The following ARHGAP28 variants were observed in gnomAD, a reference collection of about 807,000 sequenced individuals.
ARHGAP28 encodes the protein rho GTPase-activating protein 28.
A neutral mutation model predicts 90.7 loss-of-function variants in ARHGAP28; 56 were observed. The ratio of observed to expected loss-of-function variants is 0.62; its 90% confidence interval spans 0.50 to 0.77. The LOEUF is 0.77. Ranked by LOEUF, ARHGAP28 falls within the 30% of genes least tolerant of loss-of-function variation. The pLI is 0.00. For synonymous variants in ARHGAP28, 308 were observed against 323.3 expected (o/e 0.95, Z 0.51); for missense variants, 869 against 900.9 (o/e 0.96, Z 0.45).
Position 6,870,720 on chromosome 18 carries a change from C to T in ARHGAP28, c.942C>T (p.Asp314=), listed in dbSNP as rs151056858. Reference sequence around the variant, plus strand: ...AGAAATCAGAGATTAAGAAAGAAGACTATGTTTTAACTGTAAGCAAAACCT... The same window carrying T: ...AGAAATCAGAGATTAAGAAAGAAGATTATGTTTTAACTGTAAGCAAAACCT... The part of the protein sequence containing the change: ...KLKKSEIKKE[D]YVLTKFNVQK... The change falls in exon 7 of 18, where the codon GAC becomes GAT. Residue 314 remains aspartate, a synonymous_variant. Coordinates refer to ENST00000383472, the MANE Select transcript of ARHGAP28 (RefSeq NM_001366230.1). 1 of 1,607,518 alleles carries T rather than the reference C, an allele frequency of 6.2e-7. No homozygotes were observed. The highest frequency in any genetic ancestry group is 8.5e-7 in the Non-Finnish European group (1 of 1,178,280).
chr18:6,912,325 C>A lies in ARHGAP28; in HGVS notation c.*171C>A. ...GAACTATGGAAGAGGCGCCGGTTCA[C>A]CAATTCAACTGAAGCTTTCTCATGA... On this transcript the variant is annotated 3_prime_UTR_variant, in exon 18 of 18. Coordinates refer to ENST00000383472, the MANE Select transcript of ARHGAP28 (RefSeq NM_001366230.1). The A allele has an allele frequency of 2.6e-6, 1 of 390,630 alleles. No homozygotes were observed. The highest frequency in any genetic ancestry group is 4.6e-6 in the Non-Finnish European group (1 of 218,022). The allele number at this position is 390,630 out of a possible 1,614,324, so 24.2% of individuals were successfully genotyped here.
At chr18:6,799,104 C>A (rs1263991186) in intron 1 of ARHGAP28, among the ~76,000 whole-genome samples, 1 of 152,192 alleles carries the variant, frequency 6.6e-6, no homozygotes, top group Non-Finnish European at 1.5e-5. Flanking sequence ...GGAAGTATTA[C>A]TGACTTCAGT....
At position 6,798,770 on chromosome 18, in the gene ARHGAP28, A is replaced by G. The variant is rs76559088; in HGVS notation, c.123-25992A>G. Among the ~76,000 whole-genome samples, 1,254 of 152,308 alleles carry G rather than the reference A, an allele frequency of 8.2e-3. 9 individuals are homozygous for G. The highest frequency in any genetic ancestry group is 0.014 in the Admixed American group (218 of 15,298). ...CTAGTGCATTAACATCTCAGAATTC[A>G]CCATTATAGAATTCAACCATGTAAC... On this transcript the variant is annotated intron_variant, in intron 1 of 17. Transcript: ENST00000383472.
At position 6,881,998 on chromosome 18, in the gene ARHGAP28, G is replaced by GA. The variant is rs547603565; in HGVS notation, c.1291-131dup. ...CATAGCTATTTGCCTTAATCATGTT[G>GA]AAAAAAAATTACTCTTGGTAGACAT... On this transcript the variant is annotated intron_variant, in intron 10 of 17. Transcript: ENST00000383472. The GA allele has an allele frequency of 9.0e-3, 6,067 of 672,450 alleles. 48 individuals are homozygous for GA. The highest frequency in any genetic ancestry group is 0.01 in the Non-Finnish European group (4,409 of 430,290). The allele number at this position is 672,450 out of a possible 1,614,324, so 41.7% of individuals were successfully genotyped here.
intron 1 of ARHGAP28, among the ~76,000 whole-genome samples, chr18:6,799,599 T>C (rs536447755): frequency 6.6e-6 from 1 of 152,286 alleles, no homozygotes; most frequent in East Asian, 1.9e-4. Context: ...CCATCTGATC[T>C]TTGACAAACC....
intron 2 of ARHGAP28, among the ~76,000 whole-genome samples, chr18:6,826,501 GTT>G (rs1389062215): frequency 6.6e-6 from 1 of 150,756 alleles, no homozygotes; most frequent in African/African-American, 2.4e-5. Context: ...TTAAAATAGA[GTT>G]TATATCATTG....
chr18:6,913,957 G>A lies in ARHGAP28; in HGVS notation c.*1803G>A, dbSNP rs1375862689. The A allele has an allele frequency of 1.3e-5, 2 of 151,982 alleles. No homozygotes were observed. The highest frequency in any genetic ancestry group is 1.9e-4 in the East Asian group (1 of 5,188). The allele number at this position is 151,982 out of a possible 1,614,324, so 9.4% of individuals were successfully genotyped here. On this transcript the variant is annotated 3_prime_UTR_variant, in exon 18 of 18. Coordinates refer to ENST00000383472, the MANE Select transcript of ARHGAP28 (RefSeq NM_001366230.1). The stretch of plus-strand genomic sequence containing the variant: ...ATTGCCACATCCCAAGATGTAAAAC[G>A]GCAGTAATTTATGACCACGTATGGA...
intron 1 of ARHGAP28, among the ~76,000 whole-genome samples, chr18:6,795,571 C>A (rs970392359): frequency 2.0e-5 from 3 of 152,234 alleles, no homozygotes; most frequent in African/African-American, 7.2e-5. Context: ...TAACTCTACA[C>A]TGGCAGCTGG....
In ARHGAP28 at chr18:6,841,203, C is replaced by CTCTCTCCTCTCTCT. The variant is rs754874496; in HGVS notation, c.543+3789_543+3790insTCTCTCCTCTCTCT. 7.1e-5 allele frequency among the ~76,000 whole-genome samples: 3 copies of CTCTCTCCTCTCTCT among 41,972 alleles called. 1 individual carries two copies. Among genetic ancestry groups the CTCTCTCCTCTCTCT allele is most frequent in the African/African-American group, 3.5e-4 (3 of 8,660 alleles). The allele number at this position is 41,972 out of a possible 152,430, so 27.5% of individuals were successfully genotyped here. A position where few individuals can be genotyped will look rare whatever the true frequency, so the allele number is the denominator to read the frequency against. On this transcript the variant is annotated intron_variant, in intron 3 of 17. Transcript: ENST00000383472. ...CTCCTCTCTCTCTCTCTCTCTCTCTCCTCTCCTCTCTCTCTCTCTCCCCCC... is the reference window on the plus strand; with the variant it reads ...CTCCTCTCTCTCTCTCTCTCTCTCTCTCTCTCCTCTCTCTCTCTCCTCTCTCTCTCTCTCCCCCC...
chr18:6,746,344 G>C (rs945964163), intron 1 of ARHGAP28, among the ~76,000 whole-genome samples: 12 of 152,110 alleles, frequency 7.9e-5, no homozygotes, highest in Non-Finnish European at 1.6e-4. Flanking sequence ...TTCTCTGTGG[G>C]AACTCTACTG....
chr18:6,889,659 T>C (rs1050352258), intron 12 of ARHGAP28, among the ~76,000 whole-genome samples: 2 of 152,276 alleles, frequency 1.3e-5, no homozygotes, highest in Middle Eastern at 3.4e-3. Flanking sequence ...AACTGCAATA[T>C]AATAAAATCC....
chr18:6,870,875 A>G (rs551678579), intron 7 of ARHGAP28, 143 bp downstream of exon 7: 49 of 826,048 alleles, frequency 5.9e-5, no homozygotes, highest in Middle Eastern at 4.2e-4. Context: ...ATCTCGGCTC[A>G]CTGCAAGCTC....
chr18:6,816,019 T>C (rs1269571381), intron 1 of ARHGAP28, among the ~76,000 whole-genome samples: 2 of 152,212 alleles, frequency 1.3e-5, no homozygotes, highest in African/African-American at 4.8e-5. Context: ...CTGTATTCTT[T>C]GCTGCCAACA....
At position 6,785,645 on chromosome 18, in the gene ARHGAP28, C is replaced by T. The variant is rs144308921; in HGVS notation, c.123-39117C>T. ...GTTGTAACCCTTATTGTATGATAAA[C>T]GACTAAGCCAACCAGCAGGTTTGAG... On this transcript the variant is annotated intron_variant, in intron 1 of 17. Transcript: ENST00000383472. Among the ~76,000 whole-genome samples the T allele has an allele frequency of 2.0e-5, 3 of 152,248 alleles. No homozygotes were observed. The East Asian group carries it at 5.8e-4, about 29-fold the overall frequency.
At chr18:6,909,144 G>T (rs961910444) in intron 17 of ARHGAP28, 120 bp downstream of exon 17, 18 of 621,726 alleles carry the variant, frequency 2.9e-5, no homozygotes, top group Middle Eastern at 4.3e-4. Context: ...AAATCAGTAG[G>T]TTTCTGATAT....
intron 1 of ARHGAP28, among the ~76,000 whole-genome samples, chr18:6,812,779 A>C (rs537307094): frequency 2.6e-5 from 4 of 152,336 alleles, no homozygotes; most frequent in African/African-American, 9.6e-5. Context: ...CTTTGACAGA[A>C]CTTACAGCTC....
At chr18:6,872,020 CA>C (rs2057093674) in intron 7 of ARHGAP28, among the ~76,000 whole-genome samples, 1 of 152,282 alleles carries the variant, frequency 6.6e-6, no homozygotes, top group African/African-American at 2.4e-5. Flanking sequence ...TGTCCAACTT[CA>C]AAACCCTTCC....
chr18:6,889,370 AT>A (rs1369927829), intron 12 of ARHGAP28, among the ~76,000 whole-genome samples: 1 of 152,054 alleles, frequency 6.6e-6, no homozygotes, highest in East Asian at 1.9e-4. Flanking sequence ...CAAAAATTCA[AT>A]TTTTTTATTG....
chr18:6,784,337 A>G (rs1033971350), intron 1 of ARHGAP28, among the ~76,000 whole-genome samples: 1 of 152,136 alleles, frequency 6.6e-6, no homozygotes, highest in Non-Finnish European at 1.5e-5. Flanking sequence ...ATTTATATCC[A>G]CCTAGAGATT....
Sources: gnomAD v4.1 joint callset for allele counts (sites outside exome capture counted in the v4.1 genomes callset) on GRCh38, gnomAD v4.1.1 for gene constraint, MANE v1.5 for transcripts, NCBI Gene and HGNC (gene_info 2026-07-23, HGNC 2026-07-21) for gene names.